Variants in FMN1 observed in about 807,000 individuals in gnomAD.
The protein encoded by FMN1 is formin 1.
In FMN1, 110 loss-of-function variants were observed where a neutral mutation model predicts 132.4. The observed-to-expected ratio is 0.83, with a 90% CI of 0.71 to 0.97. FMN1 has a LOEUF of 0.97. Among genes scored for constraint, FMN1 ranks in the 50% least tolerant of loss-of-function variants. The probability of loss-of-function intolerance (pLI) is 0.00; values close to 1 mark genes in which losing one functional copy is unlikely to be tolerated. For synonymous variants in FMN1, 722 were observed against 651.7 expected, an observed-to-expected ratio of 1.11 and a Z score of -1.64; for missense variants, 1,792 against 1,705.3, an observed-to-expected ratio of 1.05 and a Z score of -0.90.
In FMN1 at chr15:32,769,491, T is replaced by C. The variant is rs1197719990; in HGVS notation, c.*4819A>G. 3 of 152,234 alleles carry C rather than the reference T, an allele frequency of 2.0e-5. No individual in the cohort carries two copies. The highest frequency in any genetic ancestry group is 7.2e-5 in the African/African-American group (3 of 41,460). 9.4% of individuals were successfully genotyped at this position (152,234 alleles called of 1,614,324 possible). A position where few individuals can be genotyped will look rare whatever the true frequency, so the allele number is the denominator to read the frequency against. ...CAAGCTGTGTAACTGAGCCCGGTTA[T>C]GCCTGGATTCAATTGCTAATGGAGA... On this transcript the variant is annotated 3_prime_UTR_variant, in exon 21 of 21. Coordinates refer to ENST00000616417, the MANE Select transcript of FMN1 (RefSeq NM_001277313.2).
chr15:33,113,238 G>T (rs894195777), intron 4 of FMN1, among the ~76,000 whole-genome samples: 1 of 130,802 alleles, frequency 7.6e-6, no homozygotes, highest in African/African-American at 2.6e-5. Flanking sequence ...TTACCTAAAG[G>T]TCAGTGGGCT....
At chr15:33,067,571 T>G (rs1285802611) in intron 5 of FMN1, 1 of 1,613,998 alleles carries the variant, frequency 6.2e-7, no homozygotes, top group Admixed American at 1.7e-5. Context: ...CTGACTTCCC[T>G]CTGATTCTGT....
intron 15 of FMN1, among the ~76,000 whole-genome samples, chr15:32,891,029 T>C (rs1359097400): frequency 6.6e-6 from 1 of 152,254 alleles, no homozygotes; most frequent in Non-Finnish European, 1.5e-5. Flanking sequence ...GTTTGCTTTG[T>C]TGAAGATCAG....
intron 5 of FMN1, among the ~76,000 whole-genome samples, chr15:33,068,864 T>C (rs572320449): frequency 6.6e-6 from 1 of 152,280 alleles, no homozygotes; most frequent in East Asian, 1.9e-4. Context: ...GCAGGAATGA[T>C]TACCCTCTAC....
At chr15:32,936,824 T>C (rs1337290291) in intron 9 of FMN1, among the ~76,000 whole-genome samples, 1 of 152,034 alleles carries the variant, frequency 6.6e-6, no homozygotes, top group Non-Finnish European at 1.5e-5. Context: ...TGTGAAAAGG[T>C]GAAACACTAG....
chr15:32,965,244 C>CA (rs1320783072), intron 8 of FMN1, among the ~76,000 whole-genome samples: 2 of 151,808 alleles, frequency 1.3e-5, no homozygotes, highest in African/African-American at 2.4e-5. Flanking sequence ...CTAAAAAATA[C>CA]AAAAAATTAG....
At chr15:32,829,427 A>AG (rs1040349616) in intron 17 of FMN1, among the ~76,000 whole-genome samples, 3 of 152,098 alleles carry the variant, frequency 2.0e-5, no homozygotes, top group African/African-American at 4.8e-5. Flanking sequence ...CCCCCAGGAG[A>AG]GGGGGGTGAA....
intron 6 of FMN1, among the ~76,000 whole-genome samples, chr15:33,043,489 G>A (rs1390569999): frequency 6.6e-6 from 1 of 152,222 alleles, no homozygotes; most frequent in Non-Finnish European, 1.5e-5. Context: ...CCATGTGGCT[G>A]CGCAAGAATC....
chr15:33,094,382 A>G (rs890166891), intron 4 of FMN1, among the ~76,000 whole-genome samples: 3 of 152,238 alleles, frequency 2.0e-5, no homozygotes, highest in African/African-American at 7.2e-5. Flanking sequence ...CAATGAGGGC[A>G]TATCCAACAT....
chr15:32,906,441 C>T (rs544442000), intron 12 of FMN1, among the ~76,000 whole-genome samples: 1 of 152,276 alleles, frequency 6.6e-6, no homozygotes, highest in African/African-American at 2.4e-5. Context: ...TTATATACTG[C>T]CTGTGGTTGC....
At chr15:32,884,103 G>C (rs555804243) in intron 16 of FMN1, among the ~76,000 whole-genome samples, 125 of 152,088 alleles carry the variant, frequency 8.2e-4, no homozygotes, top group Non-Finnish European at 1.5e-3. Context: ...AGAAAGAAGA[G>C]TCCACTCCTT....
intron 4 of FMN1, among the ~76,000 whole-genome samples, chr15:33,126,211 T>C (rs1963051733): frequency 1.3e-5 from 2 of 150,190 alleles, no homozygotes; most frequent in Non-Finnish European, 2.9e-5. Context: ...AAGCACCACC[T>C]AAAGACAGAG....
intron 10 of FMN1, among the ~76,000 whole-genome samples, chr15:32,919,162 G>GC (rs1206085695): frequency 6.6e-6 from 1 of 151,834 alleles, no homozygotes; most frequent in African/African-American, 2.4e-5. Flanking sequence ...TGTGATGGGG[G>GC]GGGTATTAAA....
Position 32,917,907 on chromosome 15 carries a change from T to C in FMN1, c.3227-7372A>G, listed in dbSNP as rs543698870. ...CAGAGTGGGAAGCACATACAGCCCA[T>C]GTTATGAAAATTTCATTTATTTAGT... On this transcript the variant is annotated intron_variant, in intron 10 of 20. Coordinates refer to ENST00000616417, the MANE Select transcript of FMN1 (RefSeq NM_001277313.2). Among the ~76,000 whole-genome samples the C allele has an allele frequency of 2.6e-5, 4 of 152,338 alleles. No homozygotes were observed. The South Asian group carries it at 6.2e-4, about 24-fold the overall frequency.
chr15:32,922,398 T>C (rs2060851881), intron 10 of FMN1, among the ~76,000 whole-genome samples: 1 of 152,226 alleles, frequency 6.6e-6, no homozygotes, highest in African/African-American at 2.4e-5. Context: ...AGCCCAGTTA[T>C]TTGCAAACAA....
chr15:32,816,939 A>G (rs2058076957), intron 17 of FMN1, among the ~76,000 whole-genome samples: 1 of 152,246 alleles, frequency 6.6e-6, no homozygotes, highest in Non-Finnish European at 1.5e-5. Context: ...ATCACATTAT[A>G]AAGAGTAAAA....
intron 16 of FMN1, among the ~76,000 whole-genome samples, chr15:32,863,300 G>A (rs933997641): frequency 4.6e-5 from 7 of 152,336 alleles, no homozygotes; most frequent in East Asian, 3.9e-4. Flanking sequence ...AGCTGGGCGT[G>A]GTGGCGGGCA....
At chr15:32,955,095 T>G (rs888795073) in intron 9 of FMN1, among the ~76,000 whole-genome samples, 2 of 152,222 alleles carry the variant, frequency 1.3e-5, no homozygotes, top group Non-Finnish European at 2.9e-5. Flanking sequence ...AGTTTTCTCA[T>G]GTATAAAACA....
chr15:33,174,038 T>C (rs1398512124), intron 3 of FMN1, among the ~76,000 whole-genome samples: 3 of 152,148 alleles, frequency 2.0e-5, no homozygotes, highest in Admixed American at 6.5e-5. Flanking sequence ...AGGTTCAATA[T>C]AATATGTATT....
Sources: gnomAD v4.1 joint callset for allele counts (sites outside exome capture counted in the v4.1 genomes callset) on GRCh38, gnomAD v4.1.1 for gene constraint, MANE v1.5 for transcripts, NCBI Gene and HGNC (gene_info 2026-07-23, HGNC 2026-07-21) for gene names.